The following FNIP2 variants were observed in gnomAD, a reference collection of about 807,000 sequenced individuals.
FNIP2 encodes folliculin-interacting protein 2.
Under a neutral mutation model 108.7 loss-of-function variants are expected in FNIP2, and 32 were observed. The ratio of observed to expected loss-of-function variants is 0.29; its 90% confidence interval spans 0.22 to 0.40. FNIP2 has a LOEUF of 0.40. Ranked by LOEUF, FNIP2 falls within the 10% of genes least tolerant of loss-of-function variation. FNIP2 has a pLI of 1.00. For synonymous variants in FNIP2, 480 were observed against 496.7 expected (o/e 0.97, Z 0.45); for missense variants, 1,202 against 1,381.6 (o/e 0.87, Z 2.06).
chr4:158,887,465 G>A (rs1327582579), intron 14 of FNIP2, among the ~76,000 whole-genome samples: 4 of 152,076 alleles, frequency 2.6e-5, no homozygotes, highest in Admixed American at 6.6e-5. Flanking sequence ...AGCCAGGCAC[G>A]GTGGCTCACG....
chr4:158,855,027 C>T (rs1480881669), intron 8 of FNIP2, among the ~76,000 whole-genome samples: 1 of 152,016 alleles, frequency 6.6e-6, no homozygotes, highest in African/African-American at 2.4e-5. Context: ...CCTTGGGGAA[C>T]AGGAATCTTA....
rs146508549 is a variant in FNIP2, at chr4:158,869,717, G to T, written c.2792+289G>T. On this transcript the variant is annotated intron_variant, in intron 13 of 16. Transcript: ENST00000264433. Reference sequence around the variant, plus strand: ...GAAGCCTAAGGGATGTGGTGGAGATGGGGGAGGGAATAGGGAGTTTAATTT... The same window carrying T: ...GAAGCCTAAGGGATGTGGTGGAGATTGGGGAGGGAATAGGGAGTTTAATTT... 4.8e-3 allele frequency among the ~76,000 whole-genome samples: 725 copies of T among 152,312 alleles called. 3 individuals are homozygous for T. The Middle Eastern group carries it at 0.051, about 11-fold the overall frequency.
chr4:158,784,760 A>C (rs1279145272), intron 1 of FNIP2, among the ~76,000 whole-genome samples: 1 of 152,206 alleles, frequency 6.6e-6, no homozygotes, highest in Non-Finnish European at 1.5e-5. Flanking sequence ...TCACTCGCCC[A>C]CCACTCATCT....
rs1425644127 is a variant in FNIP2, at chr4:158,904,667, C to CT, written c.*128dup. 2.2e-5 allele frequency: 19 copies of CT among 861,416 alleles called. No homozygotes were observed. Among genetic ancestry groups the CT allele is most frequent in the Non-Finnish European group, 3.3e-5 (18 of 549,124 alleles). The allele number at this position is 861,416 out of a possible 1,614,324, so 53.4% of individuals were successfully genotyped here. ...GAGCAAACAGAAACAGTCATTCCAC[C>CT]TTTTTGTTTTGTGTTTTTGCTGTCA... On this transcript the variant is annotated 3_prime_UTR_variant, in exon 17 of 17. Transcript: ENST00000264433.
In FNIP2 at chr4:158,800,479, G is replaced by C. The variant is rs572070738; in HGVS notation, c.108-25437G>C. Reference sequence around the variant, plus strand: ...CTTTTCCTTTCAGCTGTCAGAAATTGTTTTGCCTCTGATGATTCTCTTAAA... The same window carrying C: ...CTTTTCCTTTCAGCTGTCAGAAATTCTTTTGCCTCTGATGATTCTCTTAAA... On this transcript the variant is annotated intron_variant, in intron 1 of 16. Transcript: ENST00000264433. 2.0e-5 allele frequency among the ~76,000 whole-genome samples: 3 copies of C among 152,246 alleles called. No individual in the cohort carries two copies. The South Asian group carries it at 6.2e-4, about 32-fold the overall frequency.
At chr4:158,869,837 C>G (rs534869187) in intron 13 of FNIP2, among the ~76,000 whole-genome samples, 1 of 152,366 alleles carries the variant, frequency 6.6e-6, no homozygotes, top group African/African-American at 2.4e-5. Flanking sequence ...TCCTGCCGAT[C>G]AGAGCAGCGT....
At chr4:158,892,391 T>C (rs1268769885) in intron 15 of FNIP2, among the ~76,000 whole-genome samples, 2 of 152,144 alleles carry the variant, frequency 1.3e-5, no homozygotes, top group Admixed American at 1.3e-4. Flanking sequence ...TCTTTCCAAA[T>C]GGGATTTTAA....
At chr4:158,867,139 A>G (rs1028471169) in intron 12 of FNIP2, among the ~76,000 whole-genome samples, 2 of 152,132 alleles carry the variant, frequency 1.3e-5, no homozygotes, top group African/African-American at 2.4e-5. Context: ...TCAGTTTTTA[A>G]TCAACTTGTC....
chr4:158,792,583 A>G (rs1776456015), intron 1 of FNIP2, among the ~76,000 whole-genome samples: 1 of 152,198 alleles, frequency 6.6e-6, no homozygotes, highest in South Asian at 2.1e-4. Context: ...GAAATAGGGT[A>G]TCTTCCAACA....
intron 8 of FNIP2, among the ~76,000 whole-genome samples, chr4:158,858,856 T>C (rs1324844907): frequency 3.3e-5 from 5 of 152,224 alleles, no homozygotes; most frequent in African/African-American, 9.6e-5. Context: ...TGAGCTTCTT[T>C]CCATGTTAGG....
At chr4:158,778,820 G>A (rs538756617) in intron 1 of FNIP2, among the ~76,000 whole-genome samples, 4 of 152,322 alleles carry the variant, frequency 2.6e-5, no homozygotes, top group East Asian at 1.9e-4. Flanking sequence ...TACTGATGGA[G>A]TATTTACTTT....
At chr4:158,841,337 G>A (rs1470527947) in intron 7 of FNIP2, among the ~76,000 whole-genome samples, 1 of 152,164 alleles carries the variant, frequency 6.6e-6, no homozygotes, top group Non-Finnish European at 1.5e-5. Context: ...TCATCAGTTT[G>A]CCCAGGTGTG....
At chr4:158,814,230 A>G (rs1378248853) in intron 1 of FNIP2, among the ~76,000 whole-genome samples, 1 of 152,220 alleles carries the variant, frequency 6.6e-6, no homozygotes, top group African/African-American at 2.4e-5. Flanking sequence ...TGCTACTGGT[A>G]TCAAGGTGAT....
chr4:158,890,467 C>T (rs1207097162), intron 14 of FNIP2: 1 of 535,850 alleles, frequency 1.9e-6, no homozygotes, highest in Non-Finnish European at 2.4e-6. Flanking sequence ...GAGTCCAAGA[C>T]TAGGGAGTCA....
rs563373906 is a variant in FNIP2, at chr4:158,904,865, TG to T, written c.*324del. On this transcript the variant is annotated 3_prime_UTR_variant, in exon 17 of 17. Coordinates refer to ENST00000264433, the MANE Select transcript of FNIP2 (RefSeq NM_020840.3). ...TTGCAACAGATTGCCTTGTGCTGTT[TG>T]GGCAGAATAAAGACAAGTGACTTGA... The T allele has an allele frequency of 3.7e-6, 1 of 269,624 alleles. No individual in the cohort carries two copies. The highest frequency in any genetic ancestry group is 2.2e-5 in the African/African-American group (1 of 46,450). 16.7% of individuals were successfully genotyped at this position (269,624 alleles called of 1,614,324 possible). A position where few individuals can be genotyped will look rare whatever the true frequency, so the allele number is the denominator to read the frequency against.
chr4:158,870,668 C>T (rs911967931), intron 14 of FNIP2, among the ~76,000 whole-genome samples, 199 bp downstream of exon 14: 2 of 152,228 alleles, frequency 1.3e-5, no homozygotes, highest in Non-Finnish European at 2.9e-5. Context: ...ACACCTGGGC[C>T]TGACAGAGTA....
At chr4:158,806,781 A>G (rs527306963) in intron 1 of FNIP2, among the ~76,000 whole-genome samples, 1 of 152,338 alleles carries the variant, frequency 6.6e-6, no homozygotes, top group Admixed American at 6.5e-5. Context: ...GTAGCAGCAC[A>G]GTTAGTAGAT....
intron 8 of FNIP2, among the ~76,000 whole-genome samples, chr4:158,856,445 A>G (rs1026020613): frequency 9.9e-5 from 15 of 152,206 alleles, no homozygotes; most frequent in Admixed American, 9.8e-4. Flanking sequence ...ATGATTATCG[A>G]TAAGTGTTAA....
chr4:158,817,997 G>A (rs1294856299), intron 1 of FNIP2, among the ~76,000 whole-genome samples: 1 of 152,262 alleles, frequency 6.6e-6, no homozygotes, highest in Non-Finnish European at 1.5e-5. Context: ...CCCCAGGGCA[G>A]TGGCATGTGG....
Sources: gnomAD v4.1 joint callset for allele counts (sites outside exome capture counted in the v4.1 genomes callset) on GRCh38, gnomAD v4.1.1 for gene constraint, MANE v1.5 for transcripts, NCBI Gene and HGNC (gene_info 2026-07-23, HGNC 2026-07-21) for gene names.